Variants in ARHGEF16 observed in about 807,000 individuals in gnomAD.
ARHGEF16 encodes Rho guanine exchange factor (GEF) 16.
ARHGEF16 carries 59 observed loss-of-function variants against 74.1 expected under a neutral mutation model. The ratio of observed to expected loss-of-function variants is 0.80; its 90% CI spans 0.65 to 0.99. The LOEUF (loss-of-function observed/expected upper bound fraction) is 0.99, where lower values mean the gene tolerates loss of function less well. Among genes scored for constraint, ARHGEF16 ranks in the 50% least tolerant of loss-of-function variants. The probability of loss-of-function intolerance (pLI) is 0.00; values close to 1 mark genes in which losing one functional copy is unlikely to be tolerated. For missense variants in ARHGEF16, 948 were observed against 986.6 expected, an observed-to-expected ratio of 0.96 and a Z score of 0.52; for synonymous variants, 415 against 412.6, an observed-to-expected ratio of 1.01 and a Z score of -0.07.
chr1:3,469,389 G>A (rs771947616), intron 5 of ARHGEF16, 44 bp from the exon 6 acceptor site: 29 of 1,606,150 alleles, frequency 1.8e-5, no homozygotes, highest in South Asian at 3.3e-5. Flanking sequence ...AGGCACGCCC[G>A]TGTCCAGCGT....
intron 3 of ARHGEF16, among the ~76,000 whole-genome samples, chr1:3,466,480 C>G (rs966655706): frequency 9.9e-5 from 15 of 152,070 alleles, no homozygotes; most frequent in African/African-American, 3.6e-4. Flanking sequence ...GTGTGCTGGG[C>G]CCAGCCTACA....
chr1:3,456,359 C>T (rs1639264283), intron 1 of ARHGEF16, among the ~76,000 whole-genome samples: 1 of 152,226 alleles, frequency 6.6e-6, no homozygotes, highest in South Asian at 2.1e-4. Context: ...CAGGCGCTCC[C>T]CGCGAGTTTG....
chr1:3,469,507 G>C lies in ARHGEF16; in HGVS notation c.936G>C (p.Gln312His), dbSNP rs113541223. 3.0e-5 allele frequency: 49 copies of C among 1,613,244 alleles called. No homozygotes were observed. In the African/African-American group the frequency reaches 5.2e-4, roughly 17 times the overall value. ...GCATCCTGGTGGAGGAGTTCCTGCA[G>C]TCCAAGGAGCTGCGGGCGACCGTGA... is the stretch of plus-strand genomic sequence containing the variant. ...SLSILVEEFL[Q>H]SKELRATVTQ... is the part of the protein sequence containing the mutation. Residue 312 changes from glutamine to histidine, a missense_variant, in exon 6 of 15, where the codon CAG becomes CAC. Coordinates refer to ENST00000378378, the MANE Select transcript of ARHGEF16 (RefSeq NM_014448.4).
At chr1:3,459,971 T>C (rs1191125500) in intron 1 of ARHGEF16, among the ~76,000 whole-genome samples, 2 of 152,180 alleles carry the variant, frequency 1.3e-5, no homozygotes, top group Non-Finnish European at 1.5e-5. Context: ...CAGGGCAGTG[T>C]GGAAGAGGGG....
At chr1:3,459,278 G>A (rs368186615) in intron 1 of ARHGEF16, among the ~76,000 whole-genome samples, 18 of 152,296 alleles carry the variant, frequency 1.2e-4, no homozygotes, top group African/African-American at 4.3e-4. Context: ...GTGGGGCCAG[G>A]GAGAACCACA....
Position 3,469,469 on chromosome 1 carries a change from C to A in ARHGEF16, c.898C>A (p.Gln300Lys). ...GATCCTCACGTCGGAGTTCTCCTAC[C>A]AGCACAGCCTGAGCATCCTGGTGGA... ...FEILTSEFSY[Q>K]HSLSILVEEF... Residue 300 changes from glutamine (Q) to lysine (K), a missense_variant, in exon 6 of 15, where the codon CAG becomes AAG. Coordinates refer to ENST00000378378, the MANE Select transcript of ARHGEF16 (RefSeq NM_014448.4). 6.2e-7 allele frequency: 1 copy of A among 1,613,130 alleles called. No homozygotes were observed.
chr1:3,478,249 C>T (rs1014451386), intron 11 of ARHGEF16, 175 bp from the exon 12 acceptor site: 7 of 916,434 alleles, frequency 7.6e-6, no homozygotes, highest in Non-Finnish European at 1.2e-5. Context: ...GTGATAGCCA[C>T]GAGGAGGACT....
At position 3,465,224 on chromosome 1, in the gene ARHGEF16, C is replaced by T. The variant is rs184552085; in HGVS notation, c.589-924C>T. On this transcript the variant is annotated intron_variant, in intron 2 of 14. Transcript: ENST00000378378. ...GTGCTGGGGTTCCAAAGTGAGCCCACGGGCATGGGCCTGGTTCTCAGAGGG... is the reference window on the plus strand; with the variant it reads ...GTGCTGGGGTTCCAAAGTGAGCCCATGGGCATGGGCCTGGTTCTCAGAGGG... Among the ~76,000 whole-genome samples, 313 of 152,366 alleles carry T rather than the reference C, an allele frequency of 2.1e-3. 1 individual carries two copies. Among genetic ancestry groups the T allele is most frequent in the African/African-American group, 6.6e-3 (276 of 41,594 alleles).
intron 2 of ARHGEF16, among the ~76,000 whole-genome samples, chr1:3,465,398 G>A (rs1376067114): frequency 6.6e-6 from 1 of 152,116 alleles, no homozygotes. Flanking sequence ...AGGAGAGGAC[G>A]GAGTCGGGGT....
intron 8 of ARHGEF16, chr1:3,473,842 C>A (rs1368482454): frequency 1.7e-5 from 7 of 421,236 alleles, no homozygotes; most frequent in African/African-American, 1.2e-4. Context: ...TCCTCCCAGC[C>A]CCCACCCCAC....
chr1:3,471,748 C>T, intron 6 of ARHGEF16: 1 of 1,201,490 alleles, frequency 8.3e-7, no homozygotes, highest in Non-Finnish European at 1.1e-6. Flanking sequence ...CCGACAGCTC[C>T]TGGCATTCAC....
chr1:3,480,303 C>A, intron 14 of ARHGEF16, 145 bp from the exon 15 acceptor site: 1 of 1,220,394 alleles, frequency 8.2e-7, no homozygotes, highest in Non-Finnish European at 1.1e-6. Context: ...ATGAGCAAGG[C>A]CTCAGCAGCT....
chr1:3,459,605 CT>C (rs1639346023), intron 1 of ARHGEF16, among the ~76,000 whole-genome samples: 1 of 152,058 alleles, frequency 6.6e-6, no homozygotes, highest in Non-Finnish European at 1.5e-5. Context: ...ACTGGGCCCT[CT>C]GGAGAGGGAG....
At chr1:3,458,010 C>G (rs1639304495) in intron 1 of ARHGEF16, among the ~76,000 whole-genome samples, 1 of 152,190 alleles carries the variant, frequency 6.6e-6, no homozygotes, top group African/African-American at 2.4e-5. Flanking sequence ...CCTGGCCCAG[C>G]CTCTGCTCAT....
intron 6 of ARHGEF16, chr1:3,471,695 G>T: frequency 8.1e-7 from 1 of 1,239,658 alleles, no homozygotes; most frequent in Non-Finnish European, 1.0e-6. Flanking sequence ...TTAGATTGCT[G>T]CCCTGGGGCG....
At chr1:3,479,341 G>A (rs1351055476) in intron 12 of ARHGEF16, among the ~76,000 whole-genome samples, 176 bp from the exon 13 acceptor site, 1 of 152,138 alleles carries the variant, frequency 6.6e-6, no homozygotes, top group Non-Finnish European at 1.5e-5. Context: ...CTGTGACCTG[G>A]GGCTGGGGTG....
At chr1:3,469,315 G>A (rs1639637804) in intron 5 of ARHGEF16, 118 bp from the exon 6 acceptor site, 2 of 1,210,798 alleles carry the variant, frequency 1.7e-6, no homozygotes, top group South Asian at 1.4e-5. Context: ...TGTGTCTGGG[G>A]TTCCTGTCCC....
intron 2 of ARHGEF16, among the ~76,000 whole-genome samples, chr1:3,464,128 TAGG>T (rs1639478667): frequency 7.2e-6 from 1 of 138,502 alleles, no homozygotes; most frequent in African/African-American, 2.5e-5. Context: ...GCCTGGGGCT[TAGG>T]AGAAGTCTGC....
At chr1:3,455,717 G>A (rs536266761) in intron 1 of ARHGEF16, among the ~76,000 whole-genome samples, 11 of 152,280 alleles carry the variant, frequency 7.2e-5, no homozygotes, top group African/African-American at 2.6e-4. Flanking sequence ...GAGGGTCCAG[G>A]TGCTGTGCCT....
Sources: allele counts gnomAD v4.1 joint callset (sites outside exome capture counted in the v4.1 genomes callset), GRCh38; gene constraint gnomAD v4.1.1; transcripts MANE v1.5; gene names NCBI Gene and HGNC (gene_info 2026-07-23, HGNC 2026-07-21).